The following MGAT4D variants were observed in gnomAD, a reference collection of about 807,000 sequenced individuals.
MGAT4D encodes alpha-1,3-mannosyl-glycoprotein 4-beta-N-acetylglucosaminyltransferase-like protein MGAT4D.
MGAT4D carries 34 observed loss-of-function variants against 15.9 expected under a neutral mutation model. The observed-to-expected ratio is 2.14, with a 90% CI of 1.62 to 2.84. The LOEUF is 2.84. Ranked by LOEUF, MGAT4D falls within the 30% of genes most tolerant of loss-of-function variation. The pLI, the probability that MGAT4D is intolerant of heterozygous loss-of-function variation, is 0.00. For missense variants in MGAT4D, 327 were observed against 140.2 expected (o/e 2.33, Z -6.73); for synonymous variants, 112 against 48.2 (o/e 2.33, Z -5.49).
chr4:140,453,735 G>A (rs530224513), intron 9 of MGAT4D, among the ~76,000 whole-genome samples: 1 of 152,096 alleles, frequency 6.6e-6, no homozygotes, highest in East Asian at 1.9e-4. Context: ...TCTCTCTCCT[G>A]CTGCCATGTA....
In MGAT4D at chr4:140,444,507, T is replaced by A. The variant is rs188621499; in HGVS notation, c.1117-1063A>T. On this transcript the variant is annotated intron_variant, in intron 10 of 10. Coordinates refer to ENST00000511113, the MANE Select transcript of MGAT4D (RefSeq NM_001277353.2). ...TGTTCCTGTGTTAGTTTACTAACAA[T>A]CATGGCCTCCAGCTGCATCCATGTG... Among the ~76,000 whole-genome samples the A allele has an allele frequency of 3.6e-4, 55 of 152,320 alleles. No individual in the cohort carries two copies. The East Asian group carries it at 0.01, about 28-fold the overall frequency.
At chr4:140,482,693 A>G (rs1044732986) in intron 1 of MGAT4D, among the ~76,000 whole-genome samples, 1 of 152,058 alleles carries the variant, frequency 6.6e-6, no homozygotes. Flanking sequence ...AAAGACTGGA[A>G]AGAAAGAACA....
At chr4:140,452,727 A>G (rs1730549766) in intron 9 of MGAT4D, among the ~76,000 whole-genome samples, 2 of 152,158 alleles carry the variant, frequency 1.3e-5, no homozygotes, top group Admixed American at 1.3e-4. Context: ...TCCTCTTAAC[A>G]GTACCTTTTG....
chr4:140,491,686 A>G (rs1578724351), intron 1 of MGAT4D, among the ~76,000 whole-genome samples: 1 of 151,974 alleles, frequency 6.6e-6, no homozygotes, highest in East Asian at 2.0e-4. Flanking sequence ...GAAGAATTCA[A>G]GCAGGAGATG....
intron 5 of MGAT4D, among the ~76,000 whole-genome samples, chr4:140,467,545 A>C (rs1205583313): frequency 6.6e-6 from 1 of 152,172 alleles, no homozygotes; most frequent in Non-Finnish European, 1.5e-5. Context: ...GTTGGAGAGA[A>C]AGATTCCAGT....
At chr4:140,478,243 C>T (rs1054340522) in intron 3 of MGAT4D, among the ~76,000 whole-genome samples, 1 of 152,194 alleles carries the variant, frequency 6.6e-6, no homozygotes, top group Non-Finnish European at 1.5e-5. Flanking sequence ...CAACCCCCTA[C>T]ACAAGGAGGT....
chr4:140,467,421 G>A (rs1731612317), intron 5 of MGAT4D, among the ~76,000 whole-genome samples: 1 of 152,072 alleles, frequency 6.6e-6, no homozygotes, highest in Admixed American at 6.5e-5. Context: ...TCATCAAAAA[G>A]TTTAGATTAC....
chr4:140,487,880 G>A (rs944614367), intron 1 of MGAT4D, among the ~76,000 whole-genome samples: 4 of 152,072 alleles, frequency 2.6e-5, no homozygotes, highest in East Asian at 1.9e-4. Context: ...ATAAGTCTCC[G>A]GCATCAGCTG....
chr4:140,480,659 C>T (rs1732643093), intron 2 of MGAT4D, among the ~76,000 whole-genome samples: 1 of 151,742 alleles, frequency 6.6e-6, no homozygotes, highest in Non-Finnish European at 1.5e-5. Flanking sequence ...CAAAATCACC[C>T]AGTTAAAGAA....
intron 5 of MGAT4D, among the ~76,000 whole-genome samples, chr4:140,468,511 G>A (rs1731697595): frequency 6.6e-6 from 1 of 152,052 alleles, no homozygotes; most frequent in Non-Finnish European, 1.5e-5. Flanking sequence ...GATTCTGTCA[G>A]GAGTCTCCTA....
rs1459241914 is a variant in MGAT4D, at chr4:140,465,093, G to A, written c.573-84C>T. The A allele has an allele frequency of 6.6e-6, 4 of 601,728 alleles. No homozygotes were observed. The African/African-American group carries it at 7.4e-5, about 11-fold the overall frequency. The allele number at this position is 601,728 out of a possible 1,614,324, so 37.3% of individuals were successfully genotyped here. A position where few individuals can be genotyped will look rare whatever the true frequency, so the allele number is the denominator to read the frequency against. On this transcript the variant is annotated intron_variant, in intron 5 of 10. Coordinates refer to ENST00000511113, the MANE Select transcript of MGAT4D (RefSeq NM_001277353.2). ...AAATACTTAAAAATAATTTTCTTATGCATGGCCACATAATATTTGATTTGA... is the reference window on the plus strand; with the variant it reads ...AAATACTTAAAAATAATTTTCTTATACATGGCCACATAATATTTGATTTGA...
intron 3 of MGAT4D, among the ~76,000 whole-genome samples, chr4:140,476,575 C>T (rs997853913): frequency 3.3e-5 from 5 of 152,226 alleles, no homozygotes; most frequent in South Asian, 2.1e-4. Context: ...GAATGGCTTC[C>T]TATGCCTTAC....
intron 1 of MGAT4D, among the ~76,000 whole-genome samples, chr4:140,496,049 AT>A (rs1479463766): frequency 6.6e-6 from 1 of 152,126 alleles, no homozygotes; most frequent in African/African-American, 2.4e-5. Flanking sequence ...AATTTAGTTA[AT>A]TTTAAAGAGG....
intron 1 of MGAT4D, among the ~76,000 whole-genome samples, chr4:140,486,999 GTCAGTCCCTAGGGA>G (rs1215294991): frequency 1.3e-5 from 2 of 152,136 alleles, no homozygotes; most frequent in Non-Finnish European, 2.9e-5. Context: ...TACATTGTAG[GTCAGTCCCTAGGGA>G]TCAATTTGGT....
chr4:140,495,075 T>C (rs767750023), intron 1 of MGAT4D, among the ~76,000 whole-genome samples: 2 of 152,218 alleles, frequency 1.3e-5, no homozygotes, highest in Admixed American at 6.5e-5. Flanking sequence ...GTCCTTACTA[T>C]GGTCCCCATG....
chr4:140,464,408 A>G (rs769864536), intron 6 of MGAT4D, among the ~76,000 whole-genome samples: 1 of 152,196 alleles, frequency 6.6e-6, no homozygotes, highest in Non-Finnish European at 1.5e-5. Flanking sequence ...CAATTATGCA[A>G]TATAGGTGTC....
In MGAT4D at chr4:140,464,967, T is replaced by G. The variant is rs539639880; in HGVS notation, c.615A>C (p.Ser205=). ...TGCTTGAGTATAAAAAGGCAGGTAT[T>G]GAAATGACCTCTAAGGATCCAGACC... The part of the protein sequence containing the change: ...QVRSGSLEVI[S]IPAFLYSSML... Residue 205 remains serine, a synonymous_variant, in exon 6 of 11, where the codon TCA becomes TCC. Transcript: ENST00000511113. 1.0e-5 allele frequency: 7 copies of G among 702,768 alleles called. No homozygotes were observed. The highest frequency in any genetic ancestry group is 1.8e-5 in the Non-Finnish European group (7 of 384,904). 43.5% of individuals were successfully genotyped at this position (702,768 alleles called of 1,614,324 possible). A position where few individuals can be genotyped will look rare whatever the true frequency, so the allele number is the denominator to read the frequency against.
intron 10 of MGAT4D, among the ~76,000 whole-genome samples, chr4:140,449,726 C>A (rs569477212): frequency 2.0e-5 from 3 of 151,702 alleles, no homozygotes; most frequent in African/African-American, 7.3e-5. Context: ...TGCCACTGCA[C>A]CCCAGGCTGG....
intron 1 of MGAT4D, among the ~76,000 whole-genome samples, chr4:140,485,069 A>C (rs1578710155): frequency 6.6e-6 from 1 of 152,360 alleles, no homozygotes; most frequent in East Asian, 1.9e-4. Flanking sequence ...CCAAAGGATT[A>C]TAAATCATGC....
Sources: allele counts gnomAD v4.1 joint callset (sites outside exome capture counted in the v4.1 genomes callset), GRCh38; gene constraint gnomAD v4.1.1; transcripts MANE v1.5; gene names NCBI Gene and HGNC (gene_info 2026-07-23, HGNC 2026-07-21).